The following PTPRE variants were observed in gnomAD, a reference collection of about 807,000 sequenced individuals.
The protein encoded by PTPRE is receptor-type tyrosine-protein phosphatase epsilon.
In PTPRE, 51 loss-of-function variants were observed where a neutral mutation model predicts 102.0. That is an observed-to-expected ratio of 0.50 (90% CI 0.40 to 0.63). The LOEUF is 0.63. PTPRE is among the 30% of genes least tolerant of loss of function. PTPRE has a pLI of 0.00. For synonymous variants in PTPRE, 345 were observed against 348.2 expected, an observed-to-expected ratio of 0.99 and a Z score of 0.10; for missense variants, 752 against 915.1, an observed-to-expected ratio of 0.82 and a Z score of 2.30.
chr10:128,016,821 G>A (rs1168128497), intron 2 of PTPRE, among the ~76,000 whole-genome samples: 1 of 152,222 alleles, frequency 6.6e-6, no homozygotes, highest in Non-Finnish European at 1.5e-5. Context: ...TTAGCCCAAC[G>A]TGGCTGAGGC....
At chr10:128,072,680 A>T (rs1436918820) in intron 16 of PTPRE, 1 of 151,402 alleles carries the variant, frequency 6.6e-6, no homozygotes, top group East Asian at 1.9e-4. Context: ...AAAAAAAAAA[A>T]AAAGTGGACT....
intron 2 of PTPRE, among the ~76,000 whole-genome samples, chr10:128,026,494 G>A (rs1363618147): frequency 6.6e-6 from 1 of 152,188 alleles, no homozygotes; most frequent in African/African-American, 2.4e-5. Context: ...CTGGTCCCCT[G>A]CCCAGACCCC....
intron 2 of PTPRE, among the ~76,000 whole-genome samples, chr10:128,004,137 A>G (rs534348158): frequency 1.3e-4 from 20 of 151,726 alleles, no homozygotes; most frequent in Non-Finnish European, 2.8e-4. Context: ...CGTGCAACAA[A>G]TGTTAGGTGT....
At chr10:128,068,431 GC>G in intron 12 of PTPRE, 145 bp downstream of exon 12, 2 of 916,422 alleles carry the variant, frequency 2.2e-6, no homozygotes, top group Non-Finnish European at 1.6e-6. Context: ...CAGTGACTGA[GC>G]CAGGCCCCAA....
At chr10:127,979,800 G>A (rs1490165184) in intron 1 of PTPRE, among the ~76,000 whole-genome samples, 1 of 152,188 alleles carries the variant, frequency 6.6e-6, no homozygotes, top group Non-Finnish European at 1.5e-5. Context: ...TTCCCATGTG[G>A]TTTTAGTCTG....
intron 1 of PTPRE, among the ~76,000 whole-genome samples, chr10:127,962,220 A>G (rs879680796): frequency 1.1e-4 from 16 of 152,150 alleles, no homozygotes; most frequent in Non-Finnish European, 2.1e-4. Flanking sequence ...CTGCCTGGAC[A>G]CGTGGCTCTA....
chr10:127,965,796 G>A (rs1589851564), intron 1 of PTPRE, among the ~76,000 whole-genome samples: 1 of 152,170 alleles, frequency 6.6e-6, no homozygotes, highest in East Asian at 1.9e-4. Flanking sequence ...CTGGCTCAGG[G>A]TCCAGCCAGT....
At chr10:128,058,012 A>G (rs966322434) in intron 7 of PTPRE, among the ~76,000 whole-genome samples, 2 of 152,200 alleles carry the variant, frequency 1.3e-5, no homozygotes, top group African/African-American at 4.8e-5. Flanking sequence ...TTGTGCCTTG[A>G]TTTGCCAACC....
At chr10:127,978,024 C>A (rs1288757175) in intron 1 of PTPRE, among the ~76,000 whole-genome samples, 4 of 152,216 alleles carry the variant, frequency 2.6e-5, no homozygotes, top group African/African-American at 9.6e-5. Flanking sequence ...CCACTTCTCC[C>A]ACAGTAAATA....
At chr10:127,961,188 G>C (rs1849781463) in intron 1 of PTPRE, among the ~76,000 whole-genome samples, 1 of 152,124 alleles carries the variant, frequency 6.6e-6, no homozygotes. Context: ...TTCTCCTGGG[G>C]CATAGAAGTA....
chr10:128,003,960 A>G (rs1854245358), intron 2 of PTPRE, among the ~76,000 whole-genome samples: 1 of 151,654 alleles, frequency 6.6e-6, no homozygotes, highest in Non-Finnish European at 1.5e-5. Flanking sequence ...CCAGGACCAC[A>G]GAGAGGAAGC....
intron 1 of PTPRE, among the ~76,000 whole-genome samples, chr10:127,956,385 A>C (rs1033433051): frequency 1.3e-5 from 2 of 152,204 alleles, no homozygotes; most frequent in African/African-American, 4.8e-5. Flanking sequence ...CCTCAGCCAC[A>C]ACTGTGTGAA....
At chr10:127,959,317 C>T (rs1363021424) in intron 1 of PTPRE, among the ~76,000 whole-genome samples, 1 of 152,228 alleles carries the variant, frequency 6.6e-6, no homozygotes, top group Non-Finnish European at 1.5e-5. Context: ...TGCATTCACT[C>T]ATTCATTCAT....
At chr10:127,992,632 G>T (rs58815038) in intron 2 of PTPRE, among the ~76,000 whole-genome samples, 1 of 151,992 alleles carries the variant, frequency 6.6e-6, no homozygotes, top group South Asian at 2.1e-4. Flanking sequence ...GGGCCAGACC[G>T]CAGGCCTGGA....
At chr10:128,033,442 A>G (rs1236629913) in intron 2 of PTPRE, among the ~76,000 whole-genome samples, 1 of 152,176 alleles carries the variant, frequency 6.6e-6, no homozygotes, top group Non-Finnish European at 1.5e-5. Flanking sequence ...ATGGAATCCC[A>G]ATACAACTTG....
chr10:128,042,189 T>C (rs1376229135), intron 3 of PTPRE, among the ~76,000 whole-genome samples: 1 of 152,184 alleles, frequency 6.6e-6, no homozygotes, highest in African/African-American at 2.4e-5. Context: ...GCTAATCGAC[T>C]GGCCACGTAG....
At chr10:127,922,703 C>T (rs1455893285) in intron 1 of PTPRE, among the ~76,000 whole-genome samples, 3 of 152,260 alleles carry the variant, frequency 2.0e-5, no homozygotes, top group African/African-American at 7.2e-5. Flanking sequence ...GTTCCTGCCA[C>T]TCTGTTCCCA....
intron 2 of PTPRE, among the ~76,000 whole-genome samples, chr10:128,031,412 G>C (rs1041903926): frequency 2.0e-5 from 3 of 152,248 alleles, no homozygotes; most frequent in Non-Finnish European, 4.4e-5. Context: ...GGAGGGCTGT[G>C]CTGTTTCCAA....
intron 1 of PTPRE, among the ~76,000 whole-genome samples, chr10:127,973,841 G>A (rs1369031888): frequency 2.0e-5 from 3 of 152,270 alleles, no homozygotes; most frequent in South Asian, 2.1e-4. Flanking sequence ...CCACGGTCAC[G>A]CTTAGCTTCC....
Sources: gnomAD v4.1 joint callset for allele counts (sites outside exome capture counted in the v4.1 genomes callset) on GRCh38, gnomAD v4.1.1 for gene constraint, MANE v1.5 for transcripts, NCBI Gene and HGNC (gene_info 2026-07-23, HGNC 2026-07-21) for gene names.